The following TTLL11 variants were observed in gnomAD, a reference collection of about 807,000 sequenced individuals.
The protein encoded by TTLL11 is tubulin polyglutamylase TTLL11.
In TTLL11, 42 loss-of-function variants were observed where a neutral mutation model predicts 51.7. The observed-to-expected ratio is 0.81, with a 90% CI of 0.64 to 1.05. TTLL11 has a LOEUF of 1.05. Ranked by LOEUF, TTLL11 falls within the 50% of genes least tolerant of loss-of-function variation. TTLL11 has a pLI of 0.00. For missense variants in TTLL11, 799 were observed against 940.4 expected (o/e 0.85, Z 1.97); for synonymous variants, 381 against 383.5 (o/e 0.99, Z 0.08).
intron 1 of TTLL11, among the ~76,000 whole-genome samples, chr9:122,092,412 A>G (rs990657547): frequency 1.4e-4 from 21 of 152,150 alleles, no homozygotes; most frequent in African/African-American, 5.1e-4. Context: ...GCAGAGGCAA[A>G]TGCTGATGGC....
At chr9:121,859,222 G>A (rs551229253) in intron 8 of TTLL11, among the ~76,000 whole-genome samples, 1 of 152,174 alleles carries the variant, frequency 6.6e-6, no homozygotes, top group Admixed American at 6.5e-5. Flanking sequence ...TGGGCGCAGT[G>A]GCTCACGCCT....
intron 6 of TTLL11, among the ~76,000 whole-genome samples, chr9:121,940,054 T>C (rs1322423424): frequency 5.3e-5 from 8 of 152,186 alleles, no homozygotes; most frequent in Non-Finnish European, 1.2e-4. Flanking sequence ...GAGGACTGCC[T>C]TGCCTTCCTT....
At chr9:122,074,275 A>G (rs1335921804) in intron 1 of TTLL11, among the ~76,000 whole-genome samples, 2 of 146,736 alleles carry the variant, frequency 1.4e-5, no homozygotes, top group Admixed American at 1.3e-4. Flanking sequence ...CTTCATCTCA[A>G]TTAAAAAAAA....
chr9:122,039,356 G>A lies in TTLL11; in HGVS notation c.475C>T (p.Arg159Trp), dbSNP rs752289256. Residue 159 changes from arginine to tryptophan, a missense_variant, in exon 2 of 9, where the codon CGG (arginine) becomes TGG (tryptophan). This residue lies in a region of TTLL11 where 468 missense variants were observed against 612.8 expected (regional missense o/e 0.76). Coordinates refer to ENST00000321582, the MANE Select transcript of TTLL11 (RefSeq NM_001139442.2). ...CAGTAGATGTCACAAGGCAAGCGCC[G>A]GCCAAATGGGAACTAGAAGAGAAAA... ...QLKWKEFPFG[R>W]RLPCDIYWHG... is the part of the protein sequence containing the mutation. 15 of 1,613,650 alleles carry A rather than the reference G, an allele frequency of 9.3e-6. No individual in the cohort carries two copies. Among genetic ancestry groups the A allele is most frequent in the South Asian group, 8.8e-5 (8 of 91,056 alleles).
intron 6 of TTLL11, among the ~76,000 whole-genome samples, chr9:121,961,338 C>T (rs760605017): frequency 2.0e-5 from 3 of 152,106 alleles, no homozygotes; most frequent in Non-Finnish European, 2.9e-5. Context: ...TAGGAATAAG[C>T]AACATATTCC....
intron 8 of TTLL11, among the ~76,000 whole-genome samples, chr9:121,847,717 A>G (rs1395728141): frequency 1.3e-5 from 2 of 152,216 alleles, no homozygotes; most frequent in African/African-American, 4.8e-5. Flanking sequence ...GAGTTCTAAC[A>G]AACGTTTAAG....
chr9:121,914,457 CCA>C (rs1329954883), intron 6 of TTLL11, among the ~76,000 whole-genome samples: 1 of 152,220 alleles, frequency 6.6e-6, no homozygotes, highest in Non-Finnish European at 1.5e-5. Context: ...AAGATACAGT[CCA>C]CAGTTTCAAG....
chr9:122,084,076 C>A (rs1846061755), intron 1 of TTLL11, among the ~76,000 whole-genome samples: 1 of 152,124 alleles, frequency 6.6e-6, no homozygotes, highest in African/African-American at 2.4e-5. Flanking sequence ...ACCCACAGTT[C>A]TGACACAATG....
chr9:121,902,611 C>G (rs1839814386), intron 6 of TTLL11, among the ~76,000 whole-genome samples: 1 of 151,534 alleles, frequency 6.6e-6, no homozygotes, highest in Non-Finnish European at 1.5e-5. Flanking sequence ...TTTAAAGGTC[C>G]TTAATGGGAT....
At chr9:121,919,779 A>G (rs1840456711) in intron 6 of TTLL11, among the ~76,000 whole-genome samples, 1 of 145,774 alleles carries the variant, frequency 6.9e-6, no homozygotes, top group Middle Eastern at 3.5e-3. Flanking sequence ...TGGGAGTCTG[A>G]GAGGGAAGGA....
At chr9:121,874,800 A>C (rs991863766) in intron 6 of TTLL11, among the ~76,000 whole-genome samples, 3 of 146,430 alleles carry the variant, frequency 2.0e-5, no homozygotes, top group African/African-American at 7.7e-5. Context: ...TCTGTCACCC[A>C]GGCTGCAGTG....
rs559605226 is a variant in TTLL11 at position 122,078,285 on chromosome 9, C to T, written c.462+14402G>A. 3.9e-5 allele frequency among the ~76,000 whole-genome samples: 6 copies of T among 152,222 alleles called. No homozygotes were observed. In the South Asian group the frequency reaches 1.2e-3, roughly 32 times the overall value. On this transcript the variant is annotated intron_variant, in intron 1 of 8. Coordinates refer to ENST00000321582, the MANE Select transcript of TTLL11 (RefSeq NM_001139442.2). ...AAGTTGCTTCTTTGAAAAAACTAAT[C>T]AAATTGAGATACATATAAAATACTC...
chr9:121,889,144 C>T (rs1312266489), intron 6 of TTLL11, among the ~76,000 whole-genome samples: 1 of 152,104 alleles, frequency 6.6e-6, no homozygotes, highest in Non-Finnish European at 1.5e-5. Context: ...CACAACAACC[C>T]TATGAGGTAT....
At chr9:122,050,862 A>G (rs1394995920) in intron 1 of TTLL11, among the ~76,000 whole-genome samples, 1 of 152,086 alleles carries the variant, frequency 6.6e-6, no homozygotes, top group African/African-American at 2.4e-5. Flanking sequence ...CCAGTCAAGT[A>G]CTCAGGGTCT....
At chr9:121,863,425 T>C (rs1838080063) in intron 7 of TTLL11, among the ~76,000 whole-genome samples, 2 of 152,326 alleles carry the variant, frequency 1.3e-5, no homozygotes, top group South Asian at 2.1e-4. Context: ...TGTGGGTTAA[T>C]AGAGTATTAA....
intron 8 of TTLL11, 135 bp from the exon 9 acceptor site, chr9:121,823,014 T>C: frequency 1.9e-6 from 2 of 1,047,870 alleles, no homozygotes; most frequent in Non-Finnish European, 1.3e-6. Flanking sequence ...CAGAAACTCC[T>C]AACAGGGCTA....
In TTLL11 at chr9:121,870,590, C is replaced by A; in HGVS notation, c.1640G>T (p.Arg547Leu). ...CAAATTTGCCATCCTGTCCACCAGG[C>A]GCAGGTAGTTGAACTGTTTTGCGTA... ...PKYAKQFNYL[R>L]LVDRMANLFI... The change falls in exon 7 of 9, where the codon CGC becomes CTC. Residue 547 changes from arginine to leucine, a missense_variant. Around this residue, in one of 3 missense-constraint regions of TTLL11, gnomAD observed 468 missense variants for 612.8 expected, o/e 0.76. Transcript: ENST00000321582. The A allele has an allele frequency of 3.9e-6, 6 of 1,551,690 alleles. No homozygotes were observed. Among genetic ancestry groups the A allele is most frequent in the Non-Finnish European group, 5.2e-6 (6 of 1,146,998 alleles).
intron 6 of TTLL11, among the ~76,000 whole-genome samples, chr9:121,936,358 G>A (rs921172529): frequency 6.6e-6 from 1 of 151,880 alleles, no homozygotes; most frequent in African/African-American, 2.4e-5. Context: ...CGATGTCCCA[G>A]GTTCAAGTGA....
chr9:121,997,373 C>T (rs1843307056), intron 3 of TTLL11, among the ~76,000 whole-genome samples: 1 of 152,148 alleles, frequency 6.6e-6, no homozygotes, highest in African/African-American at 2.4e-5. Flanking sequence ...ACTCCTTCCC[C>T]ACAGTGCAGT....
Sources: allele counts gnomAD v4.1 joint callset (sites outside exome capture counted in the v4.1 genomes callset), GRCh38; gene constraint gnomAD v4.1.1; regional missense constraint gnomAD v4.1.1; transcripts MANE v1.5; gene names NCBI Gene and HGNC (gene_info 2026-07-23, HGNC 2026-07-21).